Variants in TBC1D28 observed in about 807,000 individuals in gnomAD.
TBC1D28 encodes TBC1 domain family, member 28.
A neutral mutation model predicts 29.2 loss-of-function variants in TBC1D28; 20 were observed. That is an observed-to-expected ratio of 0.68 (90% CI 0.48 to 0.99). The LOEUF (loss-of-function observed/expected upper bound fraction) is 0.99, where lower values mean the gene tolerates loss of function less well. TBC1D28 is among the 50% of genes least tolerant of loss of function. TBC1D28 has a pLI of 0.00. For missense variants in TBC1D28, 205 were observed against 243.7 expected (o/e 0.84, Z 1.06); for synonymous variants, 65 against 90.9 (o/e 0.71, Z 1.62).
rs2031741662 is a variant in TBC1D28, at chr17:18,641,099, G to T, written c.81C>A (p.His27Gln). The T allele has an allele frequency of 4.3e-6, 3 of 690,688 alleles. No individual in the cohort carries two copies. In the East Asian group the frequency reaches 8.4e-5, roughly 19 times the overall value. The allele number at this position is 690,688 out of a possible 1,614,324, so 42.8% of individuals were successfully genotyped here. Residue 27 changes from histidine to glutamine, a missense_variant, in exon 4 of 9, where the codon CAC (histidine) becomes CAA (glutamine). By Grantham distance (24) the His-to-Gln change is conservative. Coordinates refer to ENST00000345096, the Ensembl canonical transcript of TBC1D28. The stretch of plus-strand genomic sequence containing the variant: ...CCAAGTCCACTGCTGCCCCAGCTCG[G>T]TGTCCCTGAAACCCAGAGGAGGCCA...
intron 3 of TBC1D28, 64 bp downstream of exon 4, chr17:18,641,214 G>A: frequency 6.6e-7 from 1 of 1,505,990 alleles, no homozygotes; most frequent in South Asian, 1.3e-5. Context: ...CCAGGACCCT[G>A]TGACCAGGGC....
intron 2 of TBC1D28, 79 bp downstream of exon 3, chr17:18,641,553 T>A: frequency 1.6e-6 from 1 of 633,632 alleles, no homozygotes; most frequent in East Asian, 2.7e-5. Flanking sequence ...AGTGGTGGGC[T>A]CCTTCTTGAG....
At chr17:18,638,219 A>C in intron 7 of TBC1D28, 94 bp downstream of exon 8, 1 of 1,471,966 alleles carries the variant, frequency 6.8e-7, no homozygotes, top group Admixed American at 1.8e-5. Context: ...CCCACCCCCA[A>C]CCCAGGCTCA....
At chr17:18,643,257 C>T (rs1326411891), upstream of TBC1D28, among the ~76,000 whole-genome samples, 1 of 152,056 alleles carries the variant, frequency 6.6e-6, no homozygotes, top group Admixed American at 6.5e-5. Context: ...CTCAGCTAGA[C>T]TGTAAAATGC....
chr17:18,641,103 C>T, exon 4 of TBC1D28: 1 of 701,078 alleles, frequency 1.4e-6, no homozygotes, highest in Non-Finnish European at 2.3e-6. Flanking sequence ...AGCTCGGTGT[C>T]CCTGAAACCC....
In TBC1D28 at chr17:18,638,602, C is replaced by A. The variant is rs116991084; in HGVS notation, c.279+19G>T. On this transcript the variant is annotated intron_variant, in intron 6 of 8. Transcript: ENST00000345096. ...CTCTGCAGAGAGCAGTCACGGGGGC[C>A]GCTTCCTCCCCATGTTACCTTCTTG... 6.2e-7 allele frequency: 1 copy of A among 1,614,176 alleles called. No homozygotes were observed. Among genetic ancestry groups the A allele is most frequent in the South Asian group, 1.1e-5 (1 of 91,086 alleles).
At chr17:18,636,640 C>T (rs577307708) in intron 8 of TBC1D28, 43 bp from the exon 10 acceptor site, 34 of 1,591,968 alleles carry the variant, frequency 2.1e-5, no homozygotes, top group South Asian at 1.7e-4. Flanking sequence ...TTTGTGCAGA[C>T]GCTGTCAATT....
Position 18,638,720 on chromosome 17 carries a change from T to G in TBC1D28, c.199-19A>C. 2 of 1,614,002 alleles carry G rather than the reference T, an allele frequency of 1.2e-6. No homozygotes were observed. The highest frequency in any genetic ancestry group is 1.7e-6 in the Non-Finnish European group (2 of 1,179,870). On this transcript the variant is annotated intron_variant, in intron 5 of 8. Coordinates refer to ENST00000345096, the Ensembl canonical transcript of TBC1D28. ...GTCTTTGCTGTCAAATGAGCCATGA[T>G]GGAGTTAGCGGAGCTGTCAGTCGTC...
At chr17:18,638,591 G>A (rs1567876782) in intron 6 of TBC1D28, 30 bp downstream of exon 7, 1 of 1,614,152 alleles carries the variant, frequency 6.2e-7, no homozygotes, top group Non-Finnish European at 8.5e-7. Flanking sequence ...GCAGAGAGCA[G>A]TCACGGGGGC....
rs1385679765 is a variant in TBC1D28 at position 18,637,732 on chromosome 17, C to T, written c.497+132G>A. 4.4e-6 allele frequency: 6 copies of T among 1,360,216 alleles called. No homozygotes were observed. In the South Asian group the frequency reaches 7.8e-5, roughly 18 times the overall value. The allele number at this position is 1,360,216 out of a possible 1,614,324, so 84.3% of individuals were successfully genotyped here. On this transcript the variant is annotated intron_variant, in intron 8 of 8. Coordinates refer to ENST00000345096, the Ensembl canonical transcript of TBC1D28. ...TGCTCAGTCCATGGTGCCGGCTGCTCCCTGGGCCAGGAGAGCCCTTGGTGG... is the reference window on the plus strand; with the variant it reads ...TGCTCAGTCCATGGTGCCGGCTGCTTCCTGGGCCAGGAGAGCCCTTGGTGG...
chr17:18,641,214 G>T lies in TBC1D28; in HGVS notation c.75+64C>A, dbSNP rs1308231049. The stretch of plus-strand genomic sequence containing the variant: ...GTGATCTTAGGAAGCCCAGGACCCT[G>T]TGACCAGGGCACAGCGGGAGAGGCG... On this transcript the variant is annotated intron_variant, in intron 3 of 8. Coordinates refer to ENST00000345096, the Ensembl canonical transcript of TBC1D28. 6.6e-6 allele frequency: 10 copies of T among 1,505,892 alleles called. No homozygotes were observed. The African/African-American group carries it at 8.7e-5, about 13-fold the overall frequency. The allele number at this position is 1,505,892 out of a possible 1,614,324, so 93.3% of individuals were successfully genotyped here. A position where few individuals can be genotyped will look rare whatever the true frequency, so the allele number is the denominator to read the frequency against.
chr17:18,635,263 G>C (rs1425686132), exon 9 of TBC1D28: 1 of 152,832 alleles, frequency 6.5e-6, no homozygotes, highest in Non-Finnish European at 1.5e-5. Context: ...CATGATCCGT[G>C]CCCAACGCCA....
intron 8 of TBC1D28, among the ~76,000 whole-genome samples, 198 bp downstream of exon 9, chr17:18,637,666 C>T (rs2031562648): frequency 6.6e-6 from 1 of 152,050 alleles, no homozygotes; most frequent in East Asian, 2.0e-4. Context: ...GGGTTCTGGC[C>T]CTACATGTCC....
chr17:18,643,360 C>T (rs143887189), upstream of TBC1D28, among the ~76,000 whole-genome samples: 12,023 of 139,168 alleles, frequency 0.086, 624 homozygotes, highest in Middle Eastern at 0.1. Flanking sequence ...CTGCTATGGA[C>T]GGAGGCAAGG....
intron 8 of TBC1D28, 38 bp downstream of exon 9, chr17:18,637,826 A>G (rs900617944): frequency 6.2e-7 from 1 of 1,613,382 alleles, no homozygotes; most frequent in Non-Finnish European, 8.5e-7. Context: ...GGATTGCCCC[A>G]TCTTCTCTGG....
rs575004870 is a variant in TBC1D28 at position 18,641,608 on chromosome 17, G to A, written c.-2+24C>T. ...CTGAACAGAGAGGCCTATTGTCCCCGAACACCCCAAGGCAGACACACACCT... is the reference window on the plus strand; with the variant it reads ...CTGAACAGAGAGGCCTATTGTCCCCAAACACCCCAAGGCAGACACACACCT... On this transcript the variant is annotated intron_variant, in intron 2 of 8. Coordinates refer to ENST00000345096, the Ensembl canonical transcript of TBC1D28. The A allele has an allele frequency of 6.4e-4, 362 of 562,608 alleles. 5 individuals are homozygous for A. The highest frequency in any genetic ancestry group is 6.0e-3 in the South Asian group (266 of 44,128). The allele number at this position is 562,608 out of a possible 1,614,324, so 34.9% of individuals were successfully genotyped here.
At chr17:18,634,837 A>G (rs561584115), downstream of TBC1D28, among the ~76,000 whole-genome samples, 1 of 129,548 alleles carries the variant, frequency 7.7e-6, no homozygotes, top group South Asian at 2.4e-4. Flanking sequence ...TCAGCCCCTC[A>G]GCCTCCTCAG....
At chr17:18,643,390 C>T (rs180782731), upstream of TBC1D28, among the ~76,000 whole-genome samples, 70 of 150,420 alleles carry the variant, frequency 4.7e-4, no homozygotes, top group East Asian at 7.5e-3. Flanking sequence ...GGACAAACCC[C>T]GTGCCTGAGG....
exon 9 of TBC1D28, chr17:18,635,371 G>C (rs544322363): frequency 4.6e-6 from 1 of 219,464 alleles, no homozygotes; most frequent in East Asian, 1.8e-4. Context: ...GCCTCAGATG[G>C]GGCCCAGGAA....
Sources: allele counts gnomAD v4.1 joint callset (sites outside exome capture counted in the v4.1 genomes callset), GRCh38; gene constraint gnomAD v4.1.1; transcripts MANE v1.5; gene names NCBI Gene and HGNC (gene_info 2026-07-23, HGNC 2026-07-21).